KANK1: variants seen among roughly 807,000 people sequenced by gnomAD.
KANK1 encodes KN motif and ankyrin repeat domains 1.
A neutral mutation model predicts 106.2 loss-of-function variants in KANK1; 109 were observed. The observed-to-expected ratio is 1.03, with a 90% CI of 0.88 to 1.20. KANK1 has a LOEUF of 1.20. Among genes scored for constraint, KANK1 ranks in the 50% most tolerant of loss-of-function variants. The pLI is 0.00. For synonymous variants in KANK1, 873 were observed against 652.2 expected (o/e 1.34, Z -5.16); for missense variants, 2,399 against 1,710.7 (o/e 1.40, Z -7.10).
At chr9:488,168 C>A (rs116361107) in intron 3 of KANK1, among the ~76,000 whole-genome samples, 1 of 152,054 alleles carries the variant, frequency 6.6e-6, no homozygotes, top group African/African-American at 2.4e-5. Flanking sequence ...CCTACAAATA[C>A]GGGAGCATGT....
exon 1 of KANK1, chr9:470,306 G>A (rs564987729): frequency 2.6e-5 from 4 of 151,104 alleles, no homozygotes; most frequent in Non-Finnish European, 5.9e-5. Context: ...AGGGTGTTTC[G>A]GGGCGTCCGA....
intron 7 of KANK1, among the ~76,000 whole-genome samples, chr9:736,530 A>C (rs1197495578): frequency 1.3e-5 from 2 of 151,992 alleles, no homozygotes; most frequent in Non-Finnish European, 2.9e-5. Flanking sequence ...CAACATGGCA[A>C]AACCCTGTCT....
At chr9:548,623 C>T (rs1203828239) in intron 1 of KANK1, among the ~76,000 whole-genome samples, 1 of 151,952 alleles carries the variant, frequency 6.6e-6, no homozygotes. Flanking sequence ...AACAAACACC[C>T]CTACCAACTA....
chr9:532,947 G>T (rs906290701), intron 1 of KANK1, among the ~76,000 whole-genome samples: 1 of 152,118 alleles, frequency 6.6e-6, no homozygotes, highest in African/African-American at 2.4e-5. Context: ...GTGCTTGGAG[G>T]CCGGGTGTTT....
At chr9:652,221 C>G (rs1210623925) in intron 1 of KANK1, among the ~76,000 whole-genome samples, 1 of 152,112 alleles carries the variant, frequency 6.6e-6, no homozygotes, top group African/African-American at 2.4e-5. Flanking sequence ...GTACATTCAT[C>G]AGAGTGTTTG....
At chr9:650,435 G>A (rs1047633496) in intron 1 of KANK1, among the ~76,000 whole-genome samples, 5 of 152,206 alleles carry the variant, frequency 3.3e-5, no homozygotes, top group African/African-American at 1.2e-4. Flanking sequence ...ACACTTTAAT[G>A]TGAGACTCTT....
chr9:694,186 G>A (rs1247146053), intron 2 of KANK1, among the ~76,000 whole-genome samples: 1 of 152,030 alleles, frequency 6.6e-6, no homozygotes, highest in Non-Finnish European at 1.5e-5. Flanking sequence ...AACAAAATAA[G>A]GACAGGGATT....
chr9:714,870 G>T (rs1215129359), intron 3 of KANK1, among the ~76,000 whole-genome samples: 1 of 152,114 alleles, frequency 6.6e-6, no homozygotes, highest in African/African-American at 2.4e-5. Context: ...CCTCAGCTTA[G>T]GACCACACTG....
At chr9:686,186 T>C (rs1022277025) in intron 2 of KANK1, among the ~76,000 whole-genome samples, 3 of 152,232 alleles carry the variant, frequency 2.0e-5, no homozygotes, top group Admixed American at 2.0e-4. Flanking sequence ...CTGTTCTCAG[T>C]ATCCCCCTCA....
At chr9:635,306 A>C (rs1372314989) in intron 1 of KANK1, among the ~76,000 whole-genome samples, 1 of 152,006 alleles carries the variant, frequency 6.6e-6, no homozygotes, top group Non-Finnish European at 1.5e-5. Context: ...TGCTCCATGG[A>C]ACTTTCCTTG....
rs74615138 is a variant in KANK1, at chr9:684,149, T to C, written c.37+7140T>C. On this transcript the variant is annotated intron_variant, in intron 2 of 11. Coordinates refer to ENST00000382297, the MANE Select transcript of KANK1 (RefSeq NM_015158.5). ...ACTCTTAAGGCTTTGTTTTAACCTGTAGCCAGCTTCGCCTTATAAGCTTTC... is the reference window on the plus strand; with the variant it reads ...ACTCTTAAGGCTTTGTTTTAACCTGCAGCCAGCTTCGCCTTATAAGCTTTC... 3.1e-3 allele frequency: 3,031 copies of C among 984,778 alleles called. 74 individuals carry two copies. In the African/African-American group the frequency reaches 0.05, roughly 16 times the overall value. 61.0% of individuals were successfully genotyped at this position (984,778 alleles called of 1,614,324 possible). A position where few individuals can be genotyped will look rare whatever the true frequency, so the allele number is the denominator to read the frequency against.
intron 1 of KANK1, chr9:660,097 G>A: frequency 2.3e-6 from 1 of 437,888 alleles, no homozygotes; most frequent in South Asian, 1.9e-5. Context: ...TCATCCAACA[G>A]AGAAATGGCA....
intron 1 of KANK1, chr9:549,119 A>G (rs901702991): frequency 4.6e-5 from 7 of 152,068 alleles, no homozygotes; most frequent in Non-Finnish European, 7.4e-5. Flanking sequence ...AAACAGGACA[A>G]AGAAACCTGT....
chr9:619,426 C>G (rs1443720349), intron 1 of KANK1, among the ~76,000 whole-genome samples: 1 of 152,106 alleles, frequency 6.6e-6, no homozygotes, highest in Admixed American at 6.6e-5. Flanking sequence ...GTATAATTGT[C>G]CCTTTGCCTA....
intron 2 of KANK1, among the ~76,000 whole-genome samples, chr9:471,950 G>A (rs1168360572): frequency 6.6e-6 from 1 of 152,076 alleles, no homozygotes; most frequent in Non-Finnish European, 1.5e-5. Context: ...AGGACAGTAA[G>A]AATAAACCTC....
chr9:719,708 T>A (rs531219647), intron 3 of KANK1, among the ~76,000 whole-genome samples: 223 of 152,292 alleles, frequency 1.5e-3, no homozygotes, highest in African/African-American at 5.1e-3. Context: ...GGAGAATTGA[T>A]CTCTTTAAAA....
Position 638,210 on chromosome 9 carries a change from A to C in KANK1, c.-83-38680A>C, listed in dbSNP as rs59147476. 9.6e-3 allele frequency among the ~76,000 whole-genome samples: 1,464 copies of C among 152,334 alleles called. 22 individuals carry two copies. The highest frequency in any genetic ancestry group is 0.032 in the African/African-American group (1,350 of 41,568). On this transcript the variant is annotated intron_variant, in intron 1 of 11. Transcript: ENST00000382297. ...CCCATTTTCTGTGGCTTATGATAGA[A>C]TTCCTAAAACTGAATGGCATATAAA...
At chr9:555,021 C>T (rs966568654) in intron 1 of KANK1, among the ~76,000 whole-genome samples, 2 of 152,210 alleles carry the variant, frequency 1.3e-5, no homozygotes, top group African/African-American at 4.8e-5. Flanking sequence ...GCCTGGGCAT[C>T]CGTTTGCCCA....
chr9:505,459 C>T (rs1424404733), intron 1 of KANK1, among the ~76,000 whole-genome samples: 6 of 152,240 alleles, frequency 3.9e-5, no homozygotes, highest in Admixed American at 3.9e-4. Flanking sequence ...TGTAGGGGCC[C>T]TGAAGCGGGC....
Sources: gnomAD v4.1 joint callset for allele counts (sites outside exome capture counted in the v4.1 genomes callset) on GRCh38, gnomAD v4.1.1 for gene constraint, MANE v1.5 for transcripts, NCBI Gene and HGNC (gene_info 2026-07-23, HGNC 2026-07-21) for gene names.